The following HPSE2 variants were observed in gnomAD, a reference collection of about 807,000 sequenced individuals.
HPSE2 encodes the protein heparanase 2 (inactive).
HPSE2 carries 38 observed loss-of-function variants against 60.5 expected under a neutral mutation model. That is an observed-to-expected ratio of 0.63 (90% confidence interval 0.48 to 0.82). The LOEUF (loss-of-function observed/expected upper bound fraction) is 0.82, where lower values mean the gene tolerates loss of function less well. HPSE2 is among the 40% of genes least tolerant of loss of function. The pLI is 0.00. For synonymous variants in HPSE2, 295 were observed against 293.2 expected, an observed-to-expected ratio of 1.01 and a Z score of -0.06; for missense variants, 713 against 740.4, an observed-to-expected ratio of 0.96 and a Z score of 0.43.
intron 3 of HPSE2, among the ~76,000 whole-genome samples, chr10:98,993,065 C>A (rs1296240776): frequency 3.9e-5 from 6 of 152,162 alleles, no homozygotes; most frequent in Non-Finnish European, 8.8e-5. Context: ...AAGTTAGCGC[C>A]ATGGTCCCTC....
At chr10:99,290,082 C>T in the HPSE2 span, among the ~76,000 whole-genome samples, 1 of 151,904 alleles carries the variant, frequency 6.6e-6, no homozygotes, top group Non-Finnish European at 1.5e-5. Context: ...GATCTATAAA[C>T]CTATAGATTG....
intron 3 of HPSE2, among the ~76,000 whole-genome samples, chr10:98,839,247 G>T (rs578006737): frequency 1.3e-5 from 2 of 152,028 alleles, no homozygotes; most frequent in South Asian, 2.1e-4. Context: ...ATTAATGACC[G>T]GTAACCAAAC....
chr10:98,616,754 T>C (rs528627168), intron 8 of HPSE2, among the ~76,000 whole-genome samples: 5 of 152,324 alleles, frequency 3.3e-5, no homozygotes, highest in African/African-American at 1.2e-4. Context: ...ATTTTTGTTG[T>C]TGTTCTTCAA....
intron 3 of HPSE2, among the ~76,000 whole-genome samples, chr10:98,816,900 C>T (rs1951303656): frequency 6.6e-6 from 1 of 151,850 alleles, no homozygotes; most frequent in Non-Finnish European, 1.5e-5. Context: ...TTTTAGATAA[C>T]ATAGTTTATG....
the HPSE2 span, among the ~76,000 whole-genome samples, chr10:99,268,721 TA>T: frequency 6.6e-6 from 1 of 151,510 alleles, no homozygotes; most frequent in Non-Finnish European, 1.5e-5. Context: ...ATTAATTAAT[TA>T]AATAAATAAT....
At chr10:99,315,220 A>G in the HPSE2 span, among the ~76,000 whole-genome samples, 1 of 152,244 alleles carries the variant, frequency 6.6e-6, no homozygotes, top group East Asian at 1.9e-4. Flanking sequence ...ATATTTCTAC[A>G]TACCACAAGG....
At chr10:98,600,911 GTATATATATA>G (rs71007402) in intron 9 of HPSE2, among the ~76,000 whole-genome samples, 24 of 73,722 alleles carry the variant, frequency 3.3e-4, no homozygotes, top group African/African-American at 8.5e-4. Context: ...ATGTGTGTGT[GTATATATATA>G]TATATATATA....
intron 8 of HPSE2, among the ~76,000 whole-genome samples, chr10:98,619,085 G>A (rs1946002042): frequency 6.6e-6 from 1 of 152,118 alleles, no homozygotes; most frequent in African/African-American, 2.4e-5. Context: ...ATCTGTAAAG[G>A]CAATCCACTT....
At chr10:99,175,069 A>T (rs527928974) in intron 2 of HPSE2, among the ~76,000 whole-genome samples, 53 of 152,304 alleles carry the variant, frequency 3.5e-4, no homozygotes, top group African/African-American at 1.2e-3. Flanking sequence ...CGTGAGGAAC[A>T]GTGCATTCCG....
At chr10:99,208,974 C>G (rs1848860450) in intron 2 of HPSE2, among the ~76,000 whole-genome samples, 1 of 152,108 alleles carries the variant, frequency 6.6e-6, no homozygotes, top group Admixed American at 6.5e-5. Context: ...ATCTGTGCAA[C>G]AAACATTGCA....
chr10:99,011,544 T>C lies in HPSE2; in HGVS notation c.610+132694A>G, dbSNP rs374328007. On this transcript the variant is annotated intron_variant, in intron 3 of 11. Transcript: ENST00000370552. ...AGGCTGAGGCAGGCAGATCACGACG[T>C]CAAGAGATAGAGACCATCCTAGCCA... Among the ~76,000 whole-genome samples, 76 of 151,982 alleles carry C rather than the reference T, an allele frequency of 5.0e-4. 1 individual carries two copies. The South Asian group carries it at 0.016, about 32-fold the overall frequency.
At chr10:98,875,274 C>T (rs559100133) in intron 3 of HPSE2, among the ~76,000 whole-genome samples, 2 of 151,874 alleles carry the variant, frequency 1.3e-5, no homozygotes, top group African/African-American at 4.8e-5. Context: ...ATACATGGAC[C>T]ACTAACTAGA....
intron 2 of HPSE2, among the ~76,000 whole-genome samples, chr10:99,154,675 T>G (rs563612259): frequency 4.8e-4 from 72 of 151,304 alleles, no homozygotes; most frequent in African/African-American, 1.7e-3. Context: ...CCATCGAAAC[T>G]AGGAAGAAAC....
intron 5 of HPSE2, among the ~76,000 whole-genome samples, chr10:98,713,084 T>C (rs1004921040): frequency 2.0e-5 from 3 of 151,958 alleles, no homozygotes; most frequent in Non-Finnish European, 2.9e-5. Context: ...AAACCAGTCA[T>C]GTGGGGAGGA....
intron 11 of HPSE2, among the ~76,000 whole-genome samples, chr10:98,473,573 T>C (rs1341882130): frequency 6.7e-6 from 1 of 150,148 alleles, no homozygotes; most frequent in Non-Finnish European, 1.5e-5. Context: ...GAAAGGTTAA[T>C]CCTGTGAGAT....
At chr10:99,037,888 C>T (rs543579955) in intron 3 of HPSE2, among the ~76,000 whole-genome samples, 19 of 152,002 alleles carry the variant, frequency 1.2e-4, no homozygotes, top group African/African-American at 4.3e-4. Context: ...AAGACATAAA[C>T]AGATATTTCA....
At chr10:98,542,704 G>A (rs1273348134) in intron 9 of HPSE2, among the ~76,000 whole-genome samples, 4 of 150,256 alleles carry the variant, frequency 2.7e-5, no homozygotes, top group Non-Finnish European at 4.5e-5. Flanking sequence ...GAGCCGATGC[G>A]ATCAACTGGA....
the HPSE2 span, among the ~76,000 whole-genome samples, chr10:99,261,200 G>A: frequency 2.6e-5 from 4 of 151,972 alleles, no homozygotes; most frequent in Non-Finnish European, 5.9e-5. Context: ...CCAAAGCTCT[G>A]AGTTCTGTGA....
At chr10:99,043,303 T>C (rs1386274185) in intron 3 of HPSE2, among the ~76,000 whole-genome samples, 2 of 151,954 alleles carry the variant, frequency 1.3e-5, no homozygotes, top group African/African-American at 4.8e-5. Flanking sequence ...GCTAACACGG[T>C]GAAACCCCAT....
Sources: gnomAD v4.1 joint callset for allele counts (sites outside exome capture counted in the v4.1 genomes callset) on GRCh38, gnomAD v4.1.1 for gene constraint, MANE v1.5 for transcripts, NCBI Gene and HGNC (gene_info 2026-07-23, HGNC 2026-07-21) for gene names.